The following RANBP2 variants were observed in gnomAD, a reference collection of about 807,000 sequenced individuals.
RANBP2 encodes the protein RAN binding protein 2, also known as E3 SUMO-protein ligase RanBP2.
In RANBP2, 57 loss-of-function variants were observed where a neutral mutation model predicts 303.6. That is an observed-to-expected ratio of 0.19 (90% CI 0.15 to 0.23). The LOEUF is 0.23. RANBP2 is among the 10% of genes least tolerant of loss of function. The probability of loss-of-function intolerance (pLI) is 1.00; values close to 1 mark genes in which losing one functional copy is unlikely to be tolerated. For synonymous variants in RANBP2, 1,167 were observed against 1,301.5 expected (o/e 0.90, Z 2.23); for missense variants, 3,138 against 3,780.8 (o/e 0.83, Z 4.46).
chr2:109,109,762 T>C, the RANBP2 span, among the ~76,000 whole-genome samples: 51 of 152,314 alleles, frequency 3.3e-4, 1 homozygote, highest in South Asian at 8.3e-4. Context: ...CTGATGCAAT[T>C]AGGTGAATTT....
the RANBP2 span, among the ~76,000 whole-genome samples, chr2:109,039,587 G>C: frequency 6.6e-6 from 1 of 152,170 alleles, no homozygotes; most frequent in Non-Finnish European, 1.5e-5. Context: ...TTGACCTCGT[G>C]ATCTGCCCAC....
the RANBP2 span, chr2:108,931,011 C>T: frequency 1.2e-6 from 2 of 1,613,914 alleles, no homozygotes; most frequent in Non-Finnish European, 1.7e-6. Flanking sequence ...CCCACATGGG[C>T]CATCCTCTCC....
the RANBP2 span, among the ~76,000 whole-genome samples, chr2:108,936,235 C>A: frequency 1.3e-5 from 2 of 152,236 alleles, no homozygotes; most frequent in Non-Finnish European, 2.9e-5. Flanking sequence ...CCTTGGCAGG[C>A]CTGATGGTTC....
chr2:109,040,827 A>G, the RANBP2 span, among the ~76,000 whole-genome samples: 7 of 152,146 alleles, frequency 4.6e-5, no homozygotes, highest in Non-Finnish European at 8.8e-5. Context: ...AGGCCGAGGC[A>G]GGTGGATCAC....
chr2:109,638,509 T>G, the RANBP2 span, among the ~76,000 whole-genome samples: 1 of 152,144 alleles, frequency 6.6e-6, no homozygotes, highest in Non-Finnish European at 1.5e-5. Flanking sequence ...AGCTGAGCCA[T>G]CTACAAAAAG....
the RANBP2 span, among the ~76,000 whole-genome samples, chr2:109,184,221 C>T: frequency 1.3e-5 from 2 of 152,134 alleles, no homozygotes; most frequent in African/African-American, 2.4e-5. Flanking sequence ...TCTACACTCC[C>T]TTGGGAGTTC....
Position 108,724,559 on chromosome 2 carries a change from C to G in RANBP2, c.73-4573C>G, listed in dbSNP as rs1017477960. Reference sequence around the variant, plus strand: ...TTGTTCTTGGTAACTTAAAGGTTTTCTGGAAGTGTCCTTTCAATTGGGAAA... The same window carrying G: ...TTGTTCTTGGTAACTTAAAGGTTTTGTGGAAGTGTCCTTTCAATTGGGAAA... On this transcript the variant is annotated intron_variant, in intron 1 of 28. Transcript: ENST00000283195. 1.3e-4 allele frequency among the ~76,000 whole-genome samples: 20 copies of G among 151,808 alleles called. 1 individual carries two copies. The highest frequency in any genetic ancestry group is 6.6e-4 in the Admixed American group (10 of 15,210).
the RANBP2 span, chr2:109,449,200 G>C: frequency 2.5e-6 from 4 of 1,613,538 alleles, no homozygotes; most frequent in Admixed American, 1.7e-5. Flanking sequence ...GCTCAGGACC[G>C]GCCAACTGCC....
Position 108,746,208 on chromosome 2 carries a change from CTTTTTTT to C in RANBP2, c.976-487_976-481del, listed in dbSNP as rs35544546. On this transcript the variant is annotated intron_variant, in intron 7 of 28. Transcript: ENST00000283195. Reference sequence around the variant, plus strand: ...CAGGTGTGAGCCACCATGTCTGGCCCTTTTTTTTTTTTTTTTTTTTTTGCGATGGAGC... The same window carrying C: ...CAGGTGTGAGCCACCATGTCTGGCCCTTTTTTTTTTTTTTTGCGATGGAGC... 2.8e-4 allele frequency among the ~76,000 whole-genome samples: 25 copies of C among 90,558 alleles called. No individual in the cohort carries two copies. The South Asian group carries it at 7.4e-3, about 27-fold the overall frequency. The allele number at this position is 90,558 out of a possible 152,430, so 59.4% of individuals were successfully genotyped here. A position where few individuals can be genotyped will look rare whatever the true frequency, so the allele number is the denominator to read the frequency against.
At chr2:109,371,638 T>G in the RANBP2 span, 71 of 1,613,880 alleles carry the variant, frequency 4.4e-5, no homozygotes, top group Non-Finnish European at 5.3e-5. Context: ...GCGGAAGGCA[T>G]GCTGGGAGAC....
chr2:109,706,384 G>A, the RANBP2 span, among the ~76,000 whole-genome samples: 1 of 152,224 alleles, frequency 6.6e-6, no homozygotes, highest in Non-Finnish European at 1.5e-5. Flanking sequence ...GCCAGGCTCA[G>A]CCCTGCCCTA....
At chr2:109,345,779 C>A in the RANBP2 span, among the ~76,000 whole-genome samples, 1 of 152,174 alleles carries the variant, frequency 6.6e-6, no homozygotes, top group Non-Finnish European at 1.5e-5. Flanking sequence ...GTAAATTTAA[C>A]CAAACAGGCT....
Position 108,777,206 on chromosome 2 carries a change from T to C in RANBP2, c.8574T>C (p.Ser2858=). ...LSFADLASSN[S]GDFAFGSKDK... is the part of the protein sequence containing the mutation. ...TTGCAGACTTGGCTTCCAGTAATTCTGGAGATTTTGCTTTTGGTTCTAAAG... is the reference window on the plus strand; with the variant it reads ...TTGCAGACTTGGCTTCCAGTAATTCCGGAGATTTTGCTTTTGGTTCTAAAG... The change falls in exon 25 of 29, where the codon TCT becomes TCC. Residue 2858 remains serine (S), a synonymous_variant. Transcript: ENST00000283195. 1 of 1,613,588 alleles carries C rather than the reference T, an allele frequency of 6.2e-7. No homozygotes were observed. Among genetic ancestry groups the C allele is most frequent in the Non-Finnish European group, 8.5e-7 (1 of 1,179,590 alleles).
the RANBP2 span, among the ~76,000 whole-genome samples, chr2:109,014,202 A>G: frequency 6.6e-6 from 1 of 152,188 alleles, no homozygotes; most frequent in Non-Finnish European, 1.5e-5. Flanking sequence ...GCTTTCTTTC[A>G]GCAGGGCTGC....
At chr2:109,499,674 T>C in the RANBP2 span, among the ~76,000 whole-genome samples, 77 of 152,238 alleles carry the variant, frequency 5.1e-4, no homozygotes, top group African/African-American at 1.7e-3. Context: ...AGAGGAAGGC[T>C]CTCCTGGGGC....
the RANBP2 span, among the ~76,000 whole-genome samples, chr2:109,130,389 C>T: frequency 2.0e-5 from 3 of 152,344 alleles, no homozygotes; most frequent in African/African-American, 4.8e-5. Context: ...ACTTGTTACC[C>T]TGCCTCTTAA....
At chr2:109,279,793 G>C in the RANBP2 span, among the ~76,000 whole-genome samples, 2 of 152,176 alleles carry the variant, frequency 1.3e-5, no homozygotes, top group African/African-American at 2.4e-5. Flanking sequence ...GAGCCAGGCC[G>C]GGCAAGAAGA....
downstream of RANBP2, chr2:108,789,087 G>GC: frequency 1.2e-6 from 1 of 834,354 alleles, no homozygotes. Context: ...CAAGTATAAG[G>GC]CAGTCTGGAG....
intron 25 of RANBP2, 39 bp from the exon 26 acceptor site, chr2:108,781,230 A>G: frequency 6.2e-7 from 1 of 1,605,078 alleles, no homozygotes; most frequent in Non-Finnish European, 8.5e-7. Context: ...AATGTAAAAA[A>G]TAGATACTAG....
Sources: gnomAD v4.1 joint callset for allele counts (sites outside exome capture counted in the v4.1 genomes callset) on GRCh38, gnomAD v4.1.1 for gene constraint, MANE v1.5 for transcripts, NCBI Gene and HGNC (gene_info 2026-07-23, HGNC 2026-07-21) for gene names.